FBL: variants seen among roughly 807,000 people sequenced by gnomAD.
FBL encodes the protein rRNA 2'-O-methyltransferase fibrillarin.
FBL carries 10 observed loss-of-function variants against 42.2 expected under a neutral mutation model. The observed-to-expected ratio is 0.24, with a 90% CI of 0.15 to 0.40. FBL has a LOEUF of 0.40. Ranked by LOEUF, FBL falls within the 10% of genes least tolerant of loss-of-function variation. FBL has a pLI of 1.00. For missense variants in FBL, 351 were observed against 439.2 expected (o/e 0.80, Z 1.79); for synonymous variants, 165 against 165.4 (o/e 1.00, Z 0.02).
rs756640170 is a variant in FBL, at chr19:39,840,591, C to T, written c.181+26G>A. 5.3e-5 allele frequency: 85 copies of T among 1,612,902 alleles called. No individual in the cohort carries two copies. The highest frequency in any genetic ancestry group is 7.0e-5 in the Non-Finnish European group (83 of 1,179,400). The stretch of plus-strand genomic sequence containing the variant: ...CCCACTCCCCACCTCAGGAAGGCCT[C>T]CTCTGTAACCCCTAGCCAATCTTAC... On this transcript the variant is annotated intron_variant, in intron 2 of 8. Coordinates refer to ENST00000221801, the MANE Select transcript of FBL (RefSeq NM_001436.4). This position sits in a 1 kb window ranked among gnomAD's most constrained non-coding sequence, Gnocchi z 4.5.
rs1969147673 is a variant in FBL at position 39,840,738 on chromosome 19, G to A, written c.60C>T (p.Asp20=). Residue 20 remains aspartate (D), a synonymous_variant, in exon 2 of 9, where the codon GAC becomes GAT. Transcript: ENST00000221801. This position sits in a 1 kb window ranked among gnomAD's most constrained non-coding sequence, Gnocchi z 4.5. ...CCCCTCGGCCTCCACGACCACCACG[G>A]TCACCAAAGCCCCCTCGGCCGCCAA... ...GGFGGRGGFG[D]RGGRGGRGGF... 2 of 1,575,554 alleles carry A rather than the reference G, an allele frequency of 1.3e-6. No homozygotes were observed. The highest frequency in any genetic ancestry group is 1.7e-6 in the Non-Finnish European group (2 of 1,160,938).
chr19:39,839,315 A>T, intron 4 of FBL, 110 bp from the exon 5 acceptor site: 1 of 829,946 alleles, frequency 1.2e-6, no homozygotes, highest in Admixed American at 2.9e-5. Flanking sequence ...ACTGCACAAG[A>T]ACTCAACATG....
intron 6 of FBL, 146 bp from the exon 7 acceptor site, chr19:39,836,814 C>T (rs1025056794): frequency 8.4e-6 from 5 of 595,136 alleles, no homozygotes; most frequent in Admixed American, 2.9e-5. Context: ...GTCCCCCTCC[C>T]TCCAGTGTCC....
intron 1 of FBL, among the ~76,000 whole-genome samples, chr19:39,841,923 C>T (rs764931041): frequency 3.9e-5 from 6 of 152,178 alleles, no homozygotes; most frequent in South Asian, 4.1e-4. Context: ...CACAAAACAA[C>T]GTTTAAAACA....
At chr19:39,834,613 C>T (rs1968989906) in intron 8 of FBL, 51 bp from the exon 9 acceptor site, 3 of 1,613,888 alleles carry the variant, frequency 1.9e-6, no homozygotes, top group Non-Finnish European at 1.7e-6. Context: ...TCATGGCACT[C>T]GGGGTGCAAG....
In FBL at chr19:39,834,484, C is replaced by T; in HGVS notation, c.*54G>A. 6.2e-7 allele frequency: 1 copy of T among 1,601,286 alleles called. No individual in the cohort carries two copies. On this transcript the variant is annotated 3_prime_UTR_variant, in exon 9 of 9. Transcript: ENST00000221801. ...ACGGATGAGTCTTTTAATAGAAAAA[C>T]ACACGTGCAACAGTATCAACACACA... is the stretch of plus-strand genomic sequence containing the variant.
Position 39,840,777 on chromosome 19 carries a change from G to A in FBL, c.21C>T (p.Pro7=). ...CTCGGCCGCCAAAGCCACCCCCACGGGGACTGAATCCTGTGGGGGAAACAA... is the reference window on the plus strand; with the variant it reads ...CTCGGCCGCCAAAGCCACCCCCACGAGGACTGAATCCTGTGGGGGAAACAA... The part of the protein sequence containing the change: MKPGFS[P]RGGGFGGRGG... The change falls in exon 2 of 9, where the codon CCC becomes CCT. Residue 7 remains proline, a synonymous_variant. Transcript: ENST00000221801. The surrounding 1 kb of genome is among the most constrained non-coding windows in gnomAD (Gnocchi z 4.5). 1 of 1,556,608 alleles carries A rather than the reference G, an allele frequency of 6.4e-7. No homozygotes were observed. Among genetic ancestry groups the A allele is most frequent in the Non-Finnish European group, 8.7e-7 (1 of 1,150,100 alleles).
Position 39,840,728 on chromosome 19 carries a change from G to C in FBL, c.70C>G (p.Arg24Gly). ...CCGCCAAAGCCCCCTCGGCCTCCACGACCACCACGGTCACCAAAGCCCCCT... is the reference window on the plus strand; with the variant it reads ...CCGCCAAAGCCCCCTCGGCCTCCACCACCACCACGGTCACCAAAGCCCCCT... ...GRGGFGDRGGRGGRGGFGGGR... is the reference protein window; with the variant it reads ...GRGGFGDRGGGGGRGGFGGGR... The change falls in exon 2 of 9, where the codon CGT (arginine) becomes GGT (glycine). Residue 24 changes from arginine to glycine, a missense_variant. Transcript: ENST00000221801. The surrounding 1 kb of genome is among the most constrained non-coding windows in gnomAD (Gnocchi z 4.5). The C allele has an allele frequency of 3.2e-6, 5 of 1,576,474 alleles. No individual in the cohort carries two copies. The highest frequency in any genetic ancestry group is 4.3e-6 in the Non-Finnish European group (5 of 1,161,534).
Position 39,840,133 on chromosome 19 carries a change from C to T in FBL, c.378+100G>A. On this transcript the variant is annotated intron_variant, in intron 4 of 8. Coordinates refer to ENST00000221801, the MANE Select transcript of FBL (RefSeq NM_001436.4). The surrounding 1 kb of genome is among the most constrained non-coding windows in gnomAD (Gnocchi z 4.5). ...GTGGTTTACATATTATGACAATCCT[C>T]CAGCTGTCACGTGCAGGACACATGG... 2 of 820,274 alleles carry T rather than the reference C, an allele frequency of 2.4e-6. No homozygotes were observed. The highest frequency in any genetic ancestry group is 4.2e-6 in the Non-Finnish European group (2 of 478,006). The allele number at this position is 820,274 out of a possible 1,614,324, so 50.8% of individuals were successfully genotyped here.
chr19:39,834,609 C>T, intron 8 of FBL, 47 bp from the exon 9 acceptor site: 1 of 1,614,068 alleles, frequency 6.2e-7, no homozygotes. Context: ...AGGATCATGG[C>T]ACTCGGGGTG....
chr19:39,836,866 C>A (rs1969058609), intron 6 of FBL, among the ~76,000 whole-genome samples, 198 bp from the exon 7 acceptor site: 1 of 152,252 alleles, frequency 6.6e-6, no homozygotes, highest in South Asian at 2.1e-4. Context: ...TTCATCCACT[C>A]TTCTTGTAAA....
chr19:39,834,642 T>C, intron 8 of FBL, 26 bp downstream of exon 8: 1 of 1,614,060 alleles, frequency 6.2e-7, no homozygotes, highest in Non-Finnish European at 8.5e-7. Context: ...ATGTCTGTCT[T>C]GGTGTATTGC....
chr19:39,840,931 AAAG>A lies in FBL; in HGVS notation c.11-147_11-145del. 1 of 757,240 alleles carries A rather than the reference AAAG, an allele frequency of 1.3e-6. No individual in the cohort carries two copies. Among genetic ancestry groups the A allele is most frequent in the Non-Finnish European group, 2.0e-6 (1 of 506,006 alleles). The allele number at this position is 757,240 out of a possible 1,614,324, so 46.9% of individuals were successfully genotyped here. ...CACATTTCCAAGAATGTCCACAGCA[AAAG>A]AAAAGTGAAGACTAACCCAAATGTC... On this transcript the variant is annotated intron_variant, in intron 1 of 8. Coordinates refer to ENST00000221801, the MANE Select transcript of FBL (RefSeq NM_001436.4). The surrounding 1 kb of genome is among the most constrained non-coding windows in gnomAD (Gnocchi z 4.5).
chr19:39,834,958 G>C, intron 7 of FBL, 145 bp from the exon 8 acceptor site: 1 of 836,544 alleles, frequency 1.2e-6, no homozygotes. Context: ...TCATGTGTTG[G>C]AAACGTAACC....
chr19:39,842,412 T>C (rs751137708), intron 1 of FBL, among the ~76,000 whole-genome samples: 32 of 152,200 alleles, frequency 2.1e-4, no homozygotes, highest in Non-Finnish European at 1.0e-4. Flanking sequence ...TAAAGATACA[T>C]TATGATCTTG....
intron 1 of FBL, among the ~76,000 whole-genome samples, chr19:39,845,495 G>T (rs948152889): frequency 2.6e-5 from 4 of 152,194 alleles, no homozygotes; most frequent in Non-Finnish European, 5.9e-5. Context: ...ACACTGAACT[G>T]AGGCCCTTCT....
chr19:39,836,245 TA>T (rs1192367602), intron 7 of FBL, among the ~76,000 whole-genome samples: 1 of 151,908 alleles, frequency 6.6e-6, no homozygotes, highest in African/African-American at 2.4e-5. Context: ...AAACACTTCA[TA>T]TTATATTGAC....
rs369326013 is a variant in FBL, at chr19:39,840,427, C to A, written c.270G>T (p.Pro90=). 1.2e-5 allele frequency: 19 copies of A among 1,614,006 alleles called. No homozygotes were observed. Among genetic ancestry groups the A allele is most frequent in the Admixed American group, 5.0e-5 (3 of 60,010 alleles). ...NQSGKNVMVE[P]HRHEGVFICR... is the part of the protein sequence containing the mutation. ...TTCCTCACTCACCCTCATGCCGATG[C>A]GGCTCCACCATCACATTCTTCCCCG... is the stretch of plus-strand genomic sequence containing the variant. The change falls in exon 3 of 9, where the codon CCG becomes CCT. Residue 90 remains proline (P), a synonymous_variant. Coordinates refer to ENST00000221801, the MANE Select transcript of FBL (RefSeq NM_001436.4). This position sits in a 1 kb window ranked among gnomAD's most constrained non-coding sequence, Gnocchi z 4.5.
chr19:39,838,947 G>A (rs535304022), intron 5 of FBL, 88 bp downstream of exon 5: 35 of 1,212,692 alleles, frequency 2.9e-5, no homozygotes, highest in East Asian at 4.7e-5. Flanking sequence ...GTCACACAGC[G>A]CAGGCAAGCA....
Sources: gnomAD v4.1 joint callset for allele counts (sites outside exome capture counted in the v4.1 genomes callset) on GRCh38, gnomAD v4.1.1 for gene constraint, Gnocchi (gnomAD v3.1) non-coding constraint, MANE v1.5 for transcripts, NCBI Gene and HGNC (gene_info 2026-07-23, HGNC 2026-07-21) for gene names.